The following GALNT13 variants were observed in gnomAD, a reference collection of about 807,000 sequenced individuals.
GALNT13 encodes the protein UDP-GalNAc:polypeptide N-acetylgalactosaminyltransferase 13.
In GALNT13, 28 loss-of-function variants were observed where a neutral mutation model predicts 64.2. The ratio of observed to expected loss-of-function variants is 0.44; its 90% confidence interval spans 0.32 to 0.60. GALNT13 has a LOEUF of 0.60. Ranked by LOEUF, GALNT13 falls within the 20% of genes least tolerant of loss-of-function variation. The pLI is 0.05. For missense variants in GALNT13, 577 were observed against 669.8 expected (o/e 0.86, Z 1.53); for synonymous variants, 214 against 224.6 (o/e 0.95, Z 0.42).
the GALNT13 span, among the ~76,000 whole-genome samples, chr2:153,448,459 T>C: frequency 6.6e-6 from 1 of 152,236 alleles, no homozygotes; most frequent in East Asian, 1.9e-4. Context: ...TGATAAATCT[T>C]CTGATATAGG....
the GALNT13 span, among the ~76,000 whole-genome samples, chr2:153,318,173 C>A: frequency 7.0e-6 from 1 of 142,656 alleles, no homozygotes; most frequent in Non-Finnish European, 1.5e-5. Flanking sequence ...CATTTACATT[C>A]ATCTCCCATT....
chr2:153,135,452 T>C, the GALNT13 span, among the ~76,000 whole-genome samples: 1 of 152,142 alleles, frequency 6.6e-6, no homozygotes, highest in Non-Finnish European at 1.5e-5. Context: ...TGTAAGTGTT[T>C]TGTTGAGCTG....
the GALNT13 span, among the ~76,000 whole-genome samples, chr2:153,125,407 C>T: frequency 0.028 from 4,284 of 152,232 alleles, 74 homozygotes; most frequent in South Asian, 0.044. Flanking sequence ...AGGACAAAAG[C>T]GATGTCTTTT....
chr2:153,345,665 TTCTTTCTTTC>T, the GALNT13 span, among the ~76,000 whole-genome samples: 3 of 142,910 alleles, frequency 2.1e-5, no homozygotes, highest in African/African-American at 7.9e-5. Flanking sequence ...CTTTCTTTCT[TTCTTTCTTTC>T]TTTCTTTCTT....
At chr2:153,861,614 T>C in the GALNT13 span, among the ~76,000 whole-genome samples, 80 of 144,188 alleles carry the variant, frequency 5.5e-4, 1 homozygote, top group South Asian at 5.1e-3. Flanking sequence ...TCGCCCAGGC[T>C]GGAGTGCAAT....
the GALNT13 span, among the ~76,000 whole-genome samples, chr2:153,314,111 G>C: frequency 6.6e-6 from 1 of 152,030 alleles, no homozygotes; most frequent in African/African-American, 2.4e-5. Flanking sequence ...GAACTAAAAG[G>C]AAATTCTGGA....
chr2:153,919,569 G>T (rs557096324), intron 2 of GALNT13, among the ~76,000 whole-genome samples: 1 of 152,014 alleles, frequency 6.6e-6, no homozygotes, highest in East Asian at 1.9e-4. Context: ...AAACCGTGAG[G>T]CAAGGTGTCT....
the GALNT13 span, among the ~76,000 whole-genome samples, chr2:153,114,999 G>A: frequency 9.9e-5 from 15 of 152,210 alleles, no homozygotes; most frequent in East Asian, 2.7e-3. Context: ...GTAAGATAGG[G>A]GCAATAATAC....
the GALNT13 span, among the ~76,000 whole-genome samples, chr2:153,315,493 A>G: frequency 6.6e-6 from 1 of 152,238 alleles, no homozygotes; most frequent in Non-Finnish European, 1.5e-5. Flanking sequence ...AGACCATAGC[A>G]CAGTCCTAAA....
At chr2:153,643,805 C>T in the GALNT13 span, among the ~76,000 whole-genome samples, 1 of 151,894 alleles carries the variant, frequency 6.6e-6, no homozygotes, top group Admixed American at 6.6e-5. Context: ...ATTATAAAAT[C>T]ATTTAATGTA....
At chr2:153,792,970 CTTTTT>C in the GALNT13 span, among the ~76,000 whole-genome samples, 1 of 132,258 alleles carries the variant, frequency 7.6e-6, no homozygotes, top group Admixed American at 7.7e-5. Flanking sequence ...TTCTTTCTTT[CTTTTT>C]TTTTTTTTTT....
chr2:153,504,848 CTTG>C, the GALNT13 span, among the ~76,000 whole-genome samples: 3 of 151,966 alleles, frequency 2.0e-5, no homozygotes, highest in African/African-American at 7.2e-5. Context: ...GTTTTCTTTT[CTTG>C]TTATGTCCTT....
chr2:154,426,609 C>T (rs1700483398), intron 11 of GALNT13, among the ~76,000 whole-genome samples: 1 of 152,156 alleles, frequency 6.6e-6, no homozygotes, highest in African/African-American at 2.4e-5. Context: ...TTCTTCAATA[C>T]TGCAATAGTA....
chr2:153,150,822 A>G, the GALNT13 span, among the ~76,000 whole-genome samples: 10 of 152,026 alleles, frequency 6.6e-5, 1 homozygote, highest in African/African-American at 2.4e-4. Flanking sequence ...GTTCTGTTCC[A>G]TTGGTTTATA....
At chr2:154,344,014 A>C (rs1695921379) in intron 9 of GALNT13, among the ~76,000 whole-genome samples, 1 of 151,966 alleles carries the variant, frequency 6.6e-6, no homozygotes, top group Non-Finnish European at 1.5e-5. Context: ...ATACAGCTCA[A>C]AAGGGACACT....
chr2:153,804,122 G>A, the GALNT13 span, among the ~76,000 whole-genome samples: 5 of 152,080 alleles, frequency 3.3e-5, no homozygotes, highest in African/African-American at 4.8e-5. Context: ...TAGAAATTAG[G>A]GTTAAAATAA....
chr2:154,126,607 C>A (rs1483554733), intron 3 of GALNT13, among the ~76,000 whole-genome samples: 1 of 150,672 alleles, frequency 6.6e-6, no homozygotes, highest in Non-Finnish European at 1.5e-5. Context: ...TGCACTCCAG[C>A]CCGGACGACA....
chr2:153,414,034 G>A, the GALNT13 span, among the ~76,000 whole-genome samples: 13 of 152,176 alleles, frequency 8.5e-5, no homozygotes, highest in East Asian at 7.7e-4. Flanking sequence ...TTTATCTTTC[G>A]GAATAAGCTT....
At chr2:154,073,882 A>G (rs1700861652) in intron 3 of GALNT13, among the ~76,000 whole-genome samples, 3 of 151,924 alleles carry the variant, frequency 2.0e-5, no homozygotes, top group Admixed American at 1.3e-4. Context: ...ACAACATACT[A>G]TAGCAAATTG....
Sources: gnomAD v4.1 joint callset for allele counts (sites outside exome capture counted in the v4.1 genomes callset) on GRCh38, gnomAD v4.1.1 for gene constraint, MANE v1.5 for transcripts, NCBI Gene and HGNC (gene_info 2026-07-23, HGNC 2026-07-21) for gene names.